The following IL13RA1 variants were observed in gnomAD, a reference collection of about 807,000 sequenced individuals.
The protein encoded by IL13RA1 is interleukin 13 receptor subunit alpha 1.
IL13RA1 carries 14 observed loss-of-function variants against 33.8 expected under a neutral mutation model. The ratio of observed to expected loss-of-function variants is 0.41; its 90% CI spans 0.27 to 0.65. The LOEUF (loss-of-function observed/expected upper bound fraction) is 0.65, where lower values mean the gene tolerates loss of function less well. Among genes scored for constraint, IL13RA1 ranks in the 30% least tolerant of loss-of-function variants. The pLI, the probability that IL13RA1 is intolerant of heterozygous loss-of-function variation, is 0.28. For synonymous variants in IL13RA1, 116 were observed against 115.7 expected, an observed-to-expected ratio of 1.00 and a Z score of -0.02; for missense variants, 313 against 327.0, an observed-to-expected ratio of 0.96 and a Z score of 0.33.
intron 10 of IL13RA1, among the ~76,000 whole-genome samples, chrX:118,786,513 G>A (rs748640332): frequency 3.2e-4 from 36 of 112,361 alleles, no homozygotes; most frequent in South Asian, 2.9e-3. Context: ...GGGATTATAG[G>A]CGTGAACAAC....
intron 8 of IL13RA1, 138 bp from the exon 9 acceptor site, chrX:118,773,741 A>C: frequency 2.1e-6 from 1 of 470,617 alleles, no homozygotes; most frequent in Non-Finnish European, 3.7e-6. Context: ...AAGATAAGAT[A>C]ATTGAAGAGC....
intron 2 of IL13RA1, 37 bp downstream of exon 2, chrX:118,741,193 A>C: frequency 1.1e-6 from 1 of 944,513 alleles, no homozygotes; most frequent in Admixed American, 2.3e-5. Context: ...GATGAGGTAA[A>C]GTGAACACTA....
intron 4 of IL13RA1, among the ~76,000 whole-genome samples, chrX:118,757,521 T>C (rs1295507974): frequency 1.6e-5 from 1 of 62,583 alleles, no homozygotes; most frequent in Non-Finnish European, 2.6e-5. Flanking sequence ...TGAGACTCTG[T>C]CTCAAAAAAA....
At chrX:118,767,019 A>T (rs764123290) in intron 8 of IL13RA1, 43 bp downstream of exon 8, 1 of 778,308 alleles carries the variant, frequency 1.3e-6, no homozygotes, top group South Asian at 2.8e-5. Context: ...ACACTGATGT[A>T]TAAAAACTAA....
At chrX:118,735,702 C>A (rs1265230207) in intron 1 of IL13RA1, among the ~76,000 whole-genome samples, 1 of 111,810 alleles carries the variant, frequency 8.9e-6, no homozygotes, top group Non-Finnish European at 1.9e-5. Context: ...TGTGCACCAC[C>A]ACACTCAGCT....
At chrX:118,776,561 T>TC (rs760191158) in intron 10 of IL13RA1, 50 bp downstream of exon 10, 21 of 479,721 alleles carry the variant, frequency 4.4e-5, no homozygotes, top group Non-Finnish European at 6.0e-5. Flanking sequence ...TTTTTTTTTT[T>TC]TGGAAGCTAT....
chrX:118,794,906 G>A (rs911675094), downstream of IL13RA1, among the ~76,000 whole-genome samples: 4 of 111,442 alleles, frequency 3.6e-5, no homozygotes, highest in East Asian at 8.4e-4. Flanking sequence ...GAATATATTA[G>A]CAGGTTAGAT....
Position 118,751,211 on chromosome X carries a change from T to G in IL13RA1, c.488+1433T>G, listed in dbSNP as rs1257718911. On this transcript the variant is annotated intron_variant, in intron 4 of 10. Transcript: ENST00000371666. The stretch of plus-strand genomic sequence containing the variant: ...TATCTACTACAAAGTTTGTTAAATT[T>G]CTAAGTTAGTCTTCCATCATTCCCT... 5.3e-5 allele frequency among the ~76,000 whole-genome samples: 6 copies of G among 112,537 alleles called. No individual in the cohort carries two copies. In the East Asian group the frequency reaches 1.1e-3, roughly 21 times the overall value.
chrX:118,750,124 GTT>G (rs1163364463), intron 4 of IL13RA1, among the ~76,000 whole-genome samples: 2 of 111,026 alleles, frequency 1.8e-5, no homozygotes, highest in Non-Finnish European at 3.8e-5. Flanking sequence ...TATTTCAACA[GTT>G]TTACATGCAC....
intron 10 of IL13RA1, among the ~76,000 whole-genome samples, chrX:118,791,068 G>A (rs1440361810): frequency 1.8e-5 from 2 of 111,605 alleles, no homozygotes; most frequent in Non-Finnish European, 3.8e-5. Flanking sequence ...CCCTGGTTTA[G>A]TATAACAACT....
chrX:118,800,866 A>C, the IL13RA1 span, among the ~76,000 whole-genome samples: 3 of 111,657 alleles, frequency 2.7e-5, no homozygotes, highest in Non-Finnish European at 5.7e-5. Context: ...GGCTCACTGC[A>C]ATCTCCACCT....
intron 10 of IL13RA1, among the ~76,000 whole-genome samples, chrX:118,779,193 G>T (rs2017815875): frequency 9.0e-6 from 1 of 111,668 alleles, no homozygotes; most frequent in African/African-American, 3.3e-5. Context: ...CCTGTAAAAT[G>T]ATAGATATCC....
intron 10 of IL13RA1, among the ~76,000 whole-genome samples, chrX:118,783,813 CT>C (rs1242156990): frequency 9.1e-4 from 91 of 99,612 alleles, no homozygotes; most frequent in African/African-American, 1.3e-3. Context: ...TAAATTAAAA[CT>C]TTTTTTTTTT....
chrX:118,755,385 T>C (rs773659868), intron 4 of IL13RA1, among the ~76,000 whole-genome samples: 1 of 87,331 alleles, frequency 1.1e-5, no homozygotes, highest in Non-Finnish European at 2.1e-5. Flanking sequence ...ATTTTAGGGA[T>C]TTTTTTTTTT....
chrX:118,775,547 TA>T (rs1222713074), intron 9 of IL13RA1, among the ~76,000 whole-genome samples: 2 of 111,612 alleles, frequency 1.8e-5, no homozygotes, highest in Non-Finnish European at 3.8e-5. Flanking sequence ...TAACCTATAC[TA>T]GGGGGTTAGC....
intron 6 of IL13RA1, among the ~76,000 whole-genome samples, chrX:118,763,933 A>C (rs1169679104): frequency 2.7e-5 from 3 of 111,303 alleles, no homozygotes; most frequent in Admixed American, 9.6e-5. Context: ...TGTACACTTG[A>C]GTTTAATATT....
At chrX:118,731,959 A>G (rs2017226221) in intron 1 of IL13RA1, among the ~76,000 whole-genome samples, 2 of 112,231 alleles carry the variant, frequency 1.8e-5, no homozygotes, top group Non-Finnish European at 1.9e-5. Context: ...GGCATGTTGT[A>G]TACACACACA....
At chrX:118,790,635 T>C (rs1435558632) in intron 10 of IL13RA1, among the ~76,000 whole-genome samples, 1 of 111,864 alleles carries the variant, frequency 8.9e-6, no homozygotes, top group Non-Finnish European at 1.9e-5. Flanking sequence ...TGCGTTCTTA[T>C]GAGCGCTTGG....
Position 118,758,222 on chromosome X carries a change from T to C in IL13RA1, c.656T>C (p.Ile219Thr). ...GGAAAAATTAAACCATCCTTCAATA[T>C]AGTGCCTTTAACTTCCCGTGGTAAG... ...NAGKIKPSFN[I>T]VPLTSRVKPD... is the part of the protein sequence containing the mutation. The change falls in exon 5 of 11, where the codon ATA becomes ACA. Residue 219 changes from isoleucine (I) to threonine (T), a missense_variant. Ile to Thr is a moderately conservative substitution (Grantham distance 89). Transcript: ENST00000371666. The C allele has an allele frequency of 9.3e-7, 1 of 1,070,958 alleles. No individual in the cohort carries two copies. The highest frequency in any genetic ancestry group is 1.8e-5 in the African/African-American group (1 of 55,445). 88.3% of individuals were successfully genotyped at this position (1,070,958 alleles called of 1,213,427 possible).
Sources: gnomAD v4.1 joint callset for allele counts (sites outside exome capture counted in the v4.1 genomes callset) on GRCh38, gnomAD v4.1.1 for gene constraint, MANE v1.5 for transcripts, NCBI Gene and HGNC (gene_info 2026-07-23, HGNC 2026-07-21) for gene names.